Variants in LOC128462377 observed in about 807,000 individuals in gnomAD.
chr16:89,319,491 C>A, the LOC128462377 span, among the ~76,000 whole-genome samples: 1 of 152,232 alleles, frequency 6.6e-6, no homozygotes, highest in Admixed American at 6.5e-5. Flanking sequence ...AGACGTTTCT[C>A]CAGCCACCTG....
At chr16:89,368,955 G>C in the LOC128462377 span, among the ~76,000 whole-genome samples, 1 of 152,114 alleles carries the variant, frequency 6.6e-6, no homozygotes, top group Non-Finnish European at 1.5e-5. Flanking sequence ...CTAAGAGAAG[G>C]TCTTCGTGCT....
the LOC128462377 span, among the ~76,000 whole-genome samples, chr16:89,325,625 G>C: frequency 6.6e-6 from 1 of 152,264 alleles, no homozygotes; most frequent in African/African-American, 2.4e-5. Context: ...CTGCCTGGCG[G>C]ATGGAATTGG....
the LOC128462377 span, among the ~76,000 whole-genome samples, chr16:89,325,772 C>A: frequency 6.6e-6 from 1 of 152,304 alleles, no homozygotes; most frequent in South Asian, 2.1e-4. Context: ...GAGATAAAGG[C>A]CACACTATGT....
At chr16:89,358,695 G>C in the LOC128462377 span, among the ~76,000 whole-genome samples, 4 of 152,192 alleles carry the variant, frequency 2.6e-5, no homozygotes, top group Non-Finnish European at 5.9e-5. Context: ...CAACCCACAA[G>C]CTGCCCTCGC....
chr16:89,409,984 C>G, the LOC128462377 span, among the ~76,000 whole-genome samples: 2 of 152,058 alleles, frequency 1.3e-5, no homozygotes. Context: ...GGACTACAGG[C>G]GCCCGCCACC....
At chr16:89,353,570 C>T in the LOC128462377 span, among the ~76,000 whole-genome samples, 6 of 151,748 alleles carry the variant, frequency 4.0e-5, no homozygotes, top group African/African-American at 9.7e-5. Context: ...CTCCGCCTTC[C>T]GGGTTCAAGC....
At chr16:89,371,088 G>A in the LOC128462377 span, among the ~76,000 whole-genome samples, 12 of 152,270 alleles carry the variant, frequency 7.9e-5, no homozygotes, top group East Asian at 5.8e-4. Flanking sequence ...GTTCAACTGC[G>A]CGCTCGCTTA....
At chr16:89,384,874 GTTTTCT>G in the LOC128462377 span, among the ~76,000 whole-genome samples, 12 of 72,768 alleles carry the variant, frequency 1.6e-4, no homozygotes, top group African/African-American at 6.7e-4. Flanking sequence ...ATGAGAAATA[GTTTTCT>G]TTTTTTTTTT....
the LOC128462377 span, among the ~76,000 whole-genome samples, chr16:89,401,924 G>A: frequency 6.7e-6 from 1 of 150,258 alleles, no homozygotes; most frequent in Non-Finnish European, 1.5e-5. Flanking sequence ...CCTGGAGAGA[G>A]GCCTGGAGCA....
chr16:89,329,087 G>C, the LOC128462377 span: 2 of 153,288 alleles, frequency 1.3e-5, no homozygotes, highest in African/African-American at 4.8e-5. Context: ...TGCTGAGTGA[G>C]TGCACAAAGC....
At chr16:89,364,388 G>A in the LOC128462377 span, among the ~76,000 whole-genome samples, 5 of 152,160 alleles carry the variant, frequency 3.3e-5, no homozygotes, top group Non-Finnish European at 7.3e-5. Flanking sequence ...GTCTTACACC[G>A]CAATAGGTAA....
the LOC128462377 span, among the ~76,000 whole-genome samples, chr16:89,403,275 G>A: frequency 2.6e-5 from 4 of 152,134 alleles, no homozygotes; most frequent in African/African-American, 9.7e-5. Flanking sequence ...CACCAGCCAC[G>A]CACATGTTGT....
chr16:89,377,469 T>C, the LOC128462377 span, among the ~76,000 whole-genome samples: 1 of 101,654 alleles, frequency 9.8e-6, no homozygotes, highest in African/African-American at 3.9e-5. Flanking sequence ...TGCGGACATG[T>C]GGGCCGGGGC....
chr16:89,377,339 G>A, the LOC128462377 span, among the ~76,000 whole-genome samples: 1 of 152,154 alleles, frequency 6.6e-6, no homozygotes, highest in Non-Finnish European at 1.5e-5. Flanking sequence ...TTGTTATAGA[G>A]AAAGCCATGA....
At chr16:89,368,762 C>A in the LOC128462377 span, among the ~76,000 whole-genome samples, 1 of 152,062 alleles carries the variant, frequency 6.6e-6, no homozygotes, top group Admixed American at 6.6e-5. Context: ...AAAAATTAGT[C>A]AGGTGTGGTG....
the LOC128462377 span, chr16:89,324,115 G>C: frequency 1.6e-5 from 10 of 618,580 alleles, no homozygotes; most frequent in South Asian, 2.4e-4. Context: ...CTCCCAAAGT[G>C]CCCCACGGCA....
At chr16:89,331,930 C>T in the LOC128462377 span, among the ~76,000 whole-genome samples, 5 of 152,030 alleles carry the variant, frequency 3.3e-5, no homozygotes, top group South Asian at 2.1e-4. Context: ...TGCTGGGAAC[C>T]GTCATCACCA....
chr16:89,384,508 T>C, the LOC128462377 span, among the ~76,000 whole-genome samples: 1 of 149,704 alleles, frequency 6.7e-6, no homozygotes, highest in Admixed American at 6.7e-5. Flanking sequence ...TGGGACAGGA[T>C]GGGACGACAT....
chr16:89,378,441 A>G, the LOC128462377 span, among the ~76,000 whole-genome samples: 1 of 152,214 alleles, frequency 6.6e-6, no homozygotes, highest in Non-Finnish European at 1.5e-5. Flanking sequence ...GTAATTCTTG[A>G]TAATAATTTC....
Sources: allele counts gnomAD v4.1 joint callset (sites outside exome capture counted in the v4.1 genomes callset), GRCh38; gene constraint gnomAD v4.1.1; transcripts MANE v1.5.